PDE8B: variants seen among roughly 807,000 people sequenced by gnomAD.
The protein encoded by PDE8B is high affinity cAMP-specific and IBMX-insensitive 3',5'-cyclic phosphodiesterase 8B.
Under a neutral mutation model 101.3 loss-of-function variants are expected in PDE8B, and 26 were observed. That is an observed-to-expected ratio of 0.26 (90% CI 0.19 to 0.36). The LOEUF (loss-of-function observed/expected upper bound fraction) is 0.36, where lower values mean the gene tolerates loss of function less well. Ranked by LOEUF, PDE8B falls within the 10% of genes least tolerant of loss-of-function variation. The probability of loss-of-function intolerance (pLI) is 1.00; values close to 1 mark genes in which losing one functional copy is unlikely to be tolerated. For synonymous variants in PDE8B, 424 were observed against 429.3 expected (o/e 0.99, Z 0.15); for missense variants, 810 against 1,163.1 (o/e 0.70, Z 4.42).
intron 21 of PDE8B, 71 bp downstream of exon 21, chr5:77,425,967 G>C: frequency 4.1e-6 from 6 of 1,455,588 alleles, no homozygotes; most frequent in Non-Finnish European, 5.8e-6. Context: ...TAGTGACACA[G>C]GGTGAGCCTA....
the PDE8B span, among the ~76,000 whole-genome samples, chr5:77,198,175 T>C: frequency 6.6e-6 from 1 of 152,184 alleles, no homozygotes; most frequent in Admixed American, 6.5e-5. Context: ...TGCAGTATTT[T>C]CTCTAGGGAT....
chr5:77,295,644 C>A (rs1269834447), intron 1 of PDE8B, among the ~76,000 whole-genome samples: 1 of 152,188 alleles, frequency 6.6e-6, no homozygotes, highest in Non-Finnish European at 1.5e-5. Context: ...TCTCTAATAT[C>A]AACAAGGGGA....
chr5:77,264,658 C>T (rs1484572872), intron 1 of PDE8B, among the ~76,000 whole-genome samples: 2 of 152,064 alleles, frequency 1.3e-5, no homozygotes, highest in Non-Finnish European at 2.9e-5. Flanking sequence ...ATATAGTCAA[C>T]AAAGAGGACA....
chr5:77,382,474 C>T (rs1386217006), intron 10 of PDE8B, among the ~76,000 whole-genome samples: 1 of 152,082 alleles, frequency 6.6e-6, no homozygotes, highest in Non-Finnish European at 1.5e-5. Flanking sequence ...GGTACATGTG[C>T]AGAATGTGCA....
intron 1 of PDE8B, among the ~76,000 whole-genome samples, chr5:77,251,947 A>G (rs1055489027): frequency 6.6e-6 from 1 of 152,148 alleles, no homozygotes; most frequent in Non-Finnish European, 1.5e-5. Context: ...TGCTATACAT[A>G]TGGTTGTATT....
At chr5:77,108,827 G>A in the PDE8B span, among the ~76,000 whole-genome samples, 18 of 152,122 alleles carry the variant, frequency 1.2e-4, no homozygotes, top group Non-Finnish European at 2.1e-4. Flanking sequence ...GATAATTTTT[G>A]TTGTCAGCAT....
chr5:77,102,141 C>T, the PDE8B span, among the ~76,000 whole-genome samples: 150 of 152,314 alleles, frequency 9.8e-4, no homozygotes, highest in Non-Finnish European at 2.0e-3. Context: ...GAATCCATAT[C>T]GTGTGCGAGT....
chr5:77,299,878 C>T (rs915837003), intron 1 of PDE8B, among the ~76,000 whole-genome samples: 2 of 152,174 alleles, frequency 1.3e-5, no homozygotes, highest in South Asian at 2.1e-4. Context: ...AACTAGTTTA[C>T]AGTCCCACCA....
At chr5:77,285,330 A>C (rs1019617853) in intron 1 of PDE8B, among the ~76,000 whole-genome samples, 4 of 152,164 alleles carry the variant, frequency 2.6e-5, no homozygotes, top group African/African-American at 7.2e-5. Flanking sequence ...CATTTCCTTT[A>C]ATCTGAAATA....
intron 10 of PDE8B, 73 bp downstream of exon 10, chr5:77,353,479 C>A: frequency 1.2e-6 from 1 of 861,794 alleles, no homozygotes; most frequent in Non-Finnish European, 2.0e-6. Context: ...CTTATCTCAC[C>A]ACTGTTCTCT....
chr5:77,165,626 C>T, the PDE8B span: 1 of 152,232 alleles, frequency 6.6e-6, no homozygotes, highest in South Asian at 2.1e-4. Context: ...ATAAAAATTC[C>T]ATTGTACCTC....
chr5:77,210,555 C>G (rs1333362616), upstream of PDE8B: 1 of 909,294 alleles, frequency 1.1e-6, no homozygotes, highest in Non-Finnish European at 1.3e-6. This position sits in a 1 kb window ranked among gnomAD's most constrained non-coding sequence, Gnocchi z 4.9. Flanking sequence ...TGCGGGAGCC[C>G]GGCGAGGTCG....
the PDE8B span, among the ~76,000 whole-genome samples, chr5:77,192,731 G>A: frequency 2.6e-5 from 4 of 152,194 alleles, no homozygotes. Flanking sequence ...GTAAGTGTAT[G>A]TTTTTAATAA....
rs1279415534 is a variant in PDE8B at position 77,252,795 on chromosome 5, T to C, written c.339+41531T>C. 2.6e-5 allele frequency among the ~76,000 whole-genome samples: 4 copies of C among 152,310 alleles called. No individual in the cohort carries two copies. In the East Asian group the frequency reaches 7.7e-4, roughly 29 times the overall value. The stretch of plus-strand genomic sequence containing the variant: ...TTTTGATGAGTAGAACACTGGTGAT[T>C]TGACAGAAAAGAATAATACTTCTGG... On this transcript the variant is annotated intron_variant, in intron 1 of 21. Transcript: ENST00000264917.
chr5:77,393,887 C>T (rs369800979), intron 10 of PDE8B, among the ~76,000 whole-genome samples: 5 of 152,174 alleles, frequency 3.3e-5, no homozygotes, highest in East Asian at 1.9e-4. Flanking sequence ...ATTTAGACAA[C>T]GTACCAAGTT....
At chr5:77,103,951 T>TA in the PDE8B span, among the ~76,000 whole-genome samples, 4 of 152,004 alleles carry the variant, frequency 2.6e-5, no homozygotes, top group Non-Finnish European at 5.9e-5. Flanking sequence ...GAGTCATCAA[T>TA]AAAAAAAATA....
intron 1 of PDE8B, among the ~76,000 whole-genome samples, chr5:77,228,215 G>A (rs1236161572): frequency 3.9e-5 from 6 of 152,108 alleles, no homozygotes; most frequent in African/African-American, 1.2e-4. Context: ...TTGCCACACC[G>A]TCCTGCCCCA....
chr5:77,138,447 C>T, the PDE8B span, among the ~76,000 whole-genome samples: 2 of 152,194 alleles, frequency 1.3e-5, no homozygotes, highest in African/African-American at 4.8e-5. Context: ...GGATGATCCG[C>T]CTGGAAGCCC....
chr5:77,092,709 A>G, the PDE8B span, among the ~76,000 whole-genome samples: 1 of 152,284 alleles, frequency 6.6e-6, no homozygotes, highest in African/African-American at 2.4e-5. Flanking sequence ...ACTTGAGCCC[A>G]GGAGTTCGAG....
Sources: gnomAD v4.1 joint callset for allele counts (sites outside exome capture counted in the v4.1 genomes callset) on GRCh38, gnomAD v4.1.1 for gene constraint, Gnocchi (gnomAD v3.1) non-coding constraint, MANE v1.5 for transcripts, NCBI Gene and HGNC (gene_info 2026-07-23, HGNC 2026-07-21) for gene names.